The following CLYBL variants were observed in gnomAD, a reference collection of about 807,000 sequenced individuals.
CLYBL encodes citramalyl-CoA lyase, mitochondrial.
In CLYBL, 31 loss-of-function variants were observed where a neutral mutation model predicts 38.9. The ratio of observed to expected loss-of-function variants is 0.80; its 90% CI spans 0.60 to 1.08. The LOEUF is 1.08. Ranked by LOEUF, CLYBL falls within the 50% of genes least tolerant of loss-of-function variation. The pLI is 0.00. For synonymous variants in CLYBL, 171 were observed against 158.6 expected (o/e 1.08, Z -0.59); for missense variants, 434 against 411.6 (o/e 1.05, Z -0.47).
Position 99,669,623 on chromosome 13 carries a change from A to G in CLYBL, c.62+62866A>G, listed in dbSNP as rs775266948. ...AGATTTCTTAGTTTACTGAGAGCCT[A>G]CCTTCAATTGCATGGATGTTGTACA... On this transcript the variant is annotated intron_variant, in intron 1 of 8. Coordinates refer to ENST00000339105, the MANE Select transcript of CLYBL (RefSeq NM_206808.5). 2.5e-4 allele frequency among the ~76,000 whole-genome samples: 38 copies of G among 152,086 alleles called. 1 individual carries two copies. Among genetic ancestry groups the G allele is most frequent in the Admixed American group, 1.8e-3 (27 of 15,262 alleles).
At chr13:99,718,038 C>T (rs969147851) in intron 1 of CLYBL, among the ~76,000 whole-genome samples, 3 of 151,532 alleles carry the variant, frequency 2.0e-5, no homozygotes, top group African/African-American at 7.3e-5. Context: ...TGTTTGTTTG[C>T]TTTTGTTTTT....
At chr13:99,770,150 A>C (rs1439439037) in intron 1 of CLYBL, among the ~76,000 whole-genome samples, 1 of 134,990 alleles carries the variant, frequency 7.4e-6, no homozygotes, top group Admixed American at 8.7e-5. Context: ...GCGCGATCTC[A>C]GCTCACTGCT....
chr13:99,909,037 T>C (rs1418287318), exon 10 of CLYBL, among the ~76,000 whole-genome samples: 4 of 152,210 alleles, frequency 2.6e-5, no homozygotes, highest in Non-Finnish European at 5.9e-5. Context: ...TAACATTCAG[T>C]AGTCATGTCC....
At chr13:99,751,824 T>C (rs1182118033) in intron 1 of CLYBL, among the ~76,000 whole-genome samples, 1 of 152,224 alleles carries the variant, frequency 6.6e-6, no homozygotes. Context: ...TTTTGCATTA[T>C]ACATATTTTA....
At chr13:99,903,217 AG>A (rs1291075818) in intron 8 of CLYBL, among the ~76,000 whole-genome samples, 1 of 152,232 alleles carries the variant, frequency 6.6e-6, no homozygotes, top group Non-Finnish European at 1.5e-5. Context: ...TTCAATAAGG[AG>A]GGTTGCTAGG....
chr13:99,886,474 T>C (rs139321035), intron 7 of CLYBL, among the ~76,000 whole-genome samples: 254 of 152,364 alleles, frequency 1.7e-3, no homozygotes, highest in Middle Eastern at 3.4e-3. Flanking sequence ...GACTGTTTCC[T>C]TCCTACGCGG....
At chr13:99,781,558 C>T (rs1231054752) in intron 2 of CLYBL, among the ~76,000 whole-genome samples, 2 of 152,152 alleles carry the variant, frequency 1.3e-5, no homozygotes, top group African/African-American at 2.4e-5. Flanking sequence ...TCACTGTAAC[C>T]TCTGCCCCCC....
At chr13:99,697,470 A>T (rs2047996912) in intron 1 of CLYBL, among the ~76,000 whole-genome samples, 2 of 151,596 alleles carry the variant, frequency 1.3e-5, no homozygotes, top group African/African-American at 4.9e-5. Flanking sequence ...TCTGCCTCCC[A>T]GGTTCAAGTG....
chr13:99,706,344 A>G (rs889805967), intron 1 of CLYBL, among the ~76,000 whole-genome samples: 57 of 152,208 alleles, frequency 3.7e-4, no homozygotes, highest in African/African-American at 1.3e-3. Context: ...CAAAAACTGC[A>G]CCAAGCTTCT....
rs7983817 is a variant in CLYBL at position 99,834,397 on chromosome 13, A to C, written c.250-24464A>C. On this transcript the variant is annotated intron_variant, in intron 2 of 8. Coordinates refer to ENST00000339105, the MANE Select transcript of CLYBL (RefSeq NM_206808.5). ...CAGTCCTGACTCATATAGGGGGCTT[A>C]TGAGAGAAGGAATCCTAAGGCCTTC... Among the ~76,000 whole-genome samples, 1,235 of 152,236 alleles carry C rather than the reference A, an allele frequency of 8.1e-3. 14 individuals are homozygous for C. Among genetic ancestry groups the C allele is most frequent in the African/African-American group, 0.028 (1,169 of 41,532 alleles).
chr13:99,820,074 A>G (rs1446983918), intron 2 of CLYBL, among the ~76,000 whole-genome samples: 1 of 152,100 alleles, frequency 6.6e-6, no homozygotes, highest in Non-Finnish European at 1.5e-5. Context: ...GATTTTCCCC[A>G]AGTGTCGGGC....
intron 2 of CLYBL, among the ~76,000 whole-genome samples, chr13:99,810,569 G>C (rs2050321621): frequency 6.6e-6 from 1 of 152,214 alleles, no homozygotes; most frequent in South Asian, 2.1e-4. Flanking sequence ...TGAGCCTAGA[G>C]AGGAAGGCAG....
chr13:99,608,552 G>A (rs1273571563), intron 1 of CLYBL, among the ~76,000 whole-genome samples: 4 of 152,120 alleles, frequency 2.6e-5, no homozygotes, highest in Non-Finnish European at 5.9e-5. Context: ...TGGTCCAGAA[G>A]GGTCCTTTTC....
intron 1 of CLYBL, among the ~76,000 whole-genome samples, chr13:99,748,790 A>T (rs1272983636): frequency 6.6e-6 from 1 of 152,078 alleles, no homozygotes; most frequent in African/African-American, 2.4e-5. Context: ...CATGGAAGTG[A>T]GAATCGTAGA....
At chr13:99,800,387 C>T (rs1369150696) in intron 2 of CLYBL, among the ~76,000 whole-genome samples, 1 of 152,144 alleles carries the variant, frequency 6.6e-6, no homozygotes, top group African/African-American at 2.4e-5. Context: ...CAACCAGTGC[C>T]TGGGAGAGGC....
rs1229871656 is a variant in CLYBL, at chr13:99,717,003, C to G, written c.63-55821C>G. On this transcript the variant is annotated intron_variant, in intron 1 of 8. Transcript: ENST00000339105. Reference sequence around the variant, plus strand: ...ACGGGGTTTCTCCATGTTGGTCAGGCTGGTCTCAAACTCCTGACCTCAGGT... The same window carrying G: ...ACGGGGTTTCTCCATGTTGGTCAGGGTGGTCTCAAACTCCTGACCTCAGGT... 2.0e-5 allele frequency among the ~76,000 whole-genome samples: 3 copies of G among 151,314 alleles called. 1 individual carries two copies. In the East Asian group the frequency reaches 6.0e-4, roughly 30 times the overall value.
chr13:99,757,101 T>C (rs1186888201), intron 1 of CLYBL, among the ~76,000 whole-genome samples: 1 of 152,180 alleles, frequency 6.6e-6, no homozygotes, highest in Non-Finnish European at 1.5e-5. Context: ...GGCCTCCATG[T>C]GTTGCCCAGG....
intron 1 of CLYBL, among the ~76,000 whole-genome samples, chr13:99,752,525 T>C (rs571213105): frequency 6.6e-6 from 1 of 152,166 alleles, no homozygotes; most frequent in East Asian, 1.9e-4. Flanking sequence ...AAATGGACAG[T>C]GACCAAACTA....
chr13:99,746,557 G>A (rs760635902), intron 1 of CLYBL, among the ~76,000 whole-genome samples: 4 of 152,058 alleles, frequency 2.6e-5, no homozygotes, highest in South Asian at 2.1e-4. Context: ...TCAACAGTGG[G>A]CATTCTAACT....
Sources: allele counts gnomAD v4.1 joint callset (sites outside exome capture counted in the v4.1 genomes callset), GRCh38; gene constraint gnomAD v4.1.1; transcripts MANE v1.5; gene names NCBI Gene and HGNC (gene_info 2026-07-23, HGNC 2026-07-21).